Variants in SLC4A4 observed in about 807,000 individuals in gnomAD.
SLC4A4 encodes solute carrier family 4 member 4.
A neutral mutation model predicts 111.5 loss-of-function variants in SLC4A4; 27 were observed. The ratio of observed to expected loss-of-function variants is 0.24; its 90% confidence interval spans 0.18 to 0.33. SLC4A4 has a LOEUF of 0.33. Ranked by LOEUF, SLC4A4 falls within the 10% of genes least tolerant of loss-of-function variation. The probability of loss-of-function intolerance (pLI) is 1.00; values close to 1 mark genes in which losing one functional copy is unlikely to be tolerated. For synonymous variants in SLC4A4, 443 were observed against 463.4 expected (o/e 0.96, Z 0.57); for missense variants, 909 against 1,315.5 (o/e 0.69, Z 4.78).
Position 71,455,420 on chromosome 4 carries a change from G to C in SLC4A4, c.1497+1751G>C, listed in dbSNP as rs1007121136. The stretch of plus-strand genomic sequence containing the variant: ...CAGTAATAGAATTTTTATAAAATTT[G>C]ATCTATATCCAAGTTGGGCAGCTAT... On this transcript the variant is annotated intron_variant, in intron 12 of 25. Coordinates refer to ENST00000264485, the MANE Select transcript of SLC4A4 (RefSeq NM_001098484.3). Among the ~76,000 whole-genome samples the C allele has an allele frequency of 4.6e-5, 7 of 152,204 alleles. No homozygotes were observed. In the South Asian group the frequency reaches 1.5e-3, roughly 32 times the overall value.
chr4:71,537,158 A>G (rs976003366), intron 18 of SLC4A4, among the ~76,000 whole-genome samples: 2 of 151,790 alleles, frequency 1.3e-5, no homozygotes, highest in South Asian at 2.1e-4. Context: ...TTTTCCTGCT[A>G]TACCTACTGT....
At chr4:71,247,503 A>G (rs1720763377) in intron 2 of SLC4A4, among the ~76,000 whole-genome samples, 1 of 152,146 alleles carries the variant, frequency 6.6e-6, no homozygotes, top group African/African-American at 2.4e-5. Context: ...AGAAGCCATA[A>G]TAGAGTCAGA....
chr4:71,279,516 A>T (rs558039611), intron 3 of SLC4A4, among the ~76,000 whole-genome samples: 2 of 152,234 alleles, frequency 1.3e-5, no homozygotes, highest in African/African-American at 4.8e-5. Context: ...TATATATTTT[A>T]TCCATTTATA....
chr4:71,481,929 C>T (rs1209231619), intron 14 of SLC4A4, among the ~76,000 whole-genome samples: 2 of 151,710 alleles, frequency 1.3e-5, no homozygotes, highest in South Asian at 4.1e-4. Flanking sequence ...ATTCCTAGGG[C>T]AAAGGGTTTC....
chr4:71,134,434 C>G (rs1743791190), intron 2 of SLC4A4, among the ~76,000 whole-genome samples: 1 of 152,240 alleles, frequency 6.6e-6, no homozygotes, highest in Non-Finnish European at 1.5e-5. Context: ...TTGTCTACAC[C>G]AGTTTTCCTG....
At chr4:71,473,723 G>A (rs1281890135) in intron 14 of SLC4A4, among the ~76,000 whole-genome samples, 1 of 151,650 alleles carries the variant, frequency 6.6e-6, no homozygotes, top group Non-Finnish European at 1.5e-5. Context: ...ATAAAAAAAT[G>A]TTCAGCTTGG....
In SLC4A4 at chr4:71,450,397, T is replaced by C. The variant is rs772653602; in HGVS notation, c.1062T>C (p.His354=). 1 of 1,609,282 alleles carries C rather than the reference T, an allele frequency of 6.2e-7. No individual in the cohort carries two copies. Among genetic ancestry groups the C allele is most frequent in the Admixed American group, 1.7e-5 (1 of 59,974 alleles). ...IATLMSDEVF[H]DIAYKAKDRH... The stretch of plus-strand genomic sequence containing the variant: ...CTTTTATTATTCTTTAGGTGTTCCA[T>C]GACATTGCTTATAAAGCAAAAGACA... Residue 354 remains histidine (H), a synonymous_variant, in exon 10 of 26, where the codon CAT becomes CAC. Transcript: ENST00000264485.
intron 7 of SLC4A4, among the ~76,000 whole-genome samples, chr4:71,411,002 A>C (rs924015034): frequency 6.6e-6 from 1 of 152,214 alleles, no homozygotes; most frequent in Admixed American, 6.5e-5. Context: ...AGCAAATGTA[A>C]GACAGGTTTT....
chr4:71,216,931 C>G (rs1718465981), intron 1 of SLC4A4, among the ~76,000 whole-genome samples: 1 of 152,160 alleles, frequency 6.6e-6, no homozygotes, highest in Admixed American at 6.5e-5. Flanking sequence ...TATCCCATAG[C>G]TTCTCCACAA....
chr4:71,179,681 G>A (rs1481869446), intron 2 of SLC4A4, among the ~76,000 whole-genome samples: 13 of 152,098 alleles, frequency 8.5e-5, no homozygotes, highest in East Asian at 1.9e-4. Flanking sequence ...ACTACAAACC[G>A]CTGCTCAATG....
intron 1 of SLC4A4, among the ~76,000 whole-genome samples, chr4:71,235,795 G>A (rs756127722): frequency 3.9e-5 from 6 of 152,224 alleles, no homozygotes; most frequent in Non-Finnish European, 7.3e-5. Flanking sequence ...CAGGAGGACA[G>A]CATAATGTGG....
At chr4:71,185,896 T>C (rs1449595601), upstream of SLC4A4, among the ~76,000 whole-genome samples, 1 of 148,544 alleles carries the variant, frequency 6.7e-6, no homozygotes, top group South Asian at 2.2e-4. Flanking sequence ...GTGGCTACTG[T>C]TGAAAACACA....
chr4:71,336,863 G>A (rs924710465), intron 3 of SLC4A4, among the ~76,000 whole-genome samples: 1 of 152,128 alleles, frequency 6.6e-6, no homozygotes. Context: ...TAGCTACGTC[G>A]TCTCCATTTA....
At chr4:71,085,786 A>T (rs915558456) in intron 1 of SLC4A4, among the ~76,000 whole-genome samples, 1 of 152,078 alleles carries the variant, frequency 6.6e-6, no homozygotes, top group African/African-American at 2.4e-5. Context: ...TACCAATACC[A>T]TGCTGTTTTG....
chr4:71,446,410 G>A (rs1725234923), intron 8 of SLC4A4, among the ~76,000 whole-genome samples: 1 of 152,174 alleles, frequency 6.6e-6, no homozygotes, highest in South Asian at 2.1e-4. Flanking sequence ...GTGACCTATG[G>A]AAGACTTATG....
At chr4:71,358,333 A>G (rs1335747613) in intron 6 of SLC4A4, among the ~76,000 whole-genome samples, 1 of 150,578 alleles carries the variant, frequency 6.6e-6, no homozygotes, top group Non-Finnish European at 1.5e-5. Context: ...AAAAAAAGAG[A>G]GAGAGAGATG....
rs761601854 is a variant in SLC4A4 at position 71,534,306 on chromosome 4, C to T, written c.2360C>T (p.Pro787Leu). The T allele has an allele frequency of 1.9e-6, 3 of 1,613,608 alleles. No individual in the cohort carries two copies. The highest frequency in any genetic ancestry group is 2.5e-6 in the Non-Finnish European group (3 of 1,179,712). Residue 787 changes from proline to leucine, a missense_variant, in exon 18 of 26, where the codon CCG becomes CTG. By Grantham distance (98) the Pro-to-Leu change is moderately conservative. Transcript: ENST00000264485. ...TGGGTGTGCCTTGCTGCTGCTATCC[C>T]GGCTTTGTTGGTCACTATACTGATT... The part of the protein sequence containing the change: ...PWWVCLAAAI[P>L]ALLVTILIFM...
chr4:71,161,362 G>T (rs912238249), intron 2 of SLC4A4, among the ~76,000 whole-genome samples: 1 of 152,140 alleles, frequency 6.6e-6, no homozygotes, highest in Non-Finnish European at 1.5e-5. Context: ...ATATCCTATT[G>T]TTGTGTTTTA....
intron 1 of SLC4A4, among the ~76,000 whole-genome samples, chr4:71,075,191 T>C (rs1204177492): frequency 6.6e-6 from 1 of 152,214 alleles, no homozygotes; most frequent in African/African-American, 2.4e-5. Context: ...CTATTAACAA[T>C]GTTTTAGATA....
Sources: allele counts gnomAD v4.1 joint callset (sites outside exome capture counted in the v4.1 genomes callset), GRCh38; gene constraint gnomAD v4.1.1; transcripts MANE v1.5; gene names NCBI Gene and HGNC (gene_info 2026-07-23, HGNC 2026-07-21).